Variants in ERI1 observed in about 807,000 individuals in gnomAD.
ERI1 encodes 3'-5' exoribonuclease 1.
A neutral mutation model predicts 39.7 loss-of-function variants in ERI1; 39 were observed. That is an observed-to-expected ratio of 0.98 (90% confidence interval 0.76 to 1.28). The LOEUF is 1.28. Among genes scored for constraint, ERI1 ranks in the 50% most tolerant of loss-of-function variants. ERI1 has a pLI of 0.00. For missense variants in ERI1, 581 were observed against 416.9 expected (o/e 1.39, Z -3.43); for synonymous variants, 204 against 149.6 (o/e 1.36, Z -2.65).
At chr8:9,046,231 G>C (rs1020627245) in intron 3 of ERI1, among the ~76,000 whole-genome samples, 5 of 152,214 alleles carry the variant, frequency 3.3e-5, no homozygotes, top group Admixed American at 6.5e-5. Flanking sequence ...GGTTCTGAAA[G>C]ATGCTAGTTC....
At chr8:9,041,787 T>A (rs1274097659) in intron 3 of ERI1, among the ~76,000 whole-genome samples, 18 of 152,348 alleles carry the variant, frequency 1.2e-4, no homozygotes, top group Admixed American at 1.0e-3. Context: ...TAGGCTGAAG[T>A]GCAGTGGCGT....
intron 6 of ERI1, among the ~76,000 whole-genome samples, chr8:9,020,691 T>C (rs1212826140): frequency 2.0e-5 from 3 of 152,198 alleles, no homozygotes; most frequent in Admixed American, 2.0e-4. Flanking sequence ...CTGACAAGTT[T>C]GAAACTGTAG....
chr8:9,081,955 T>G (rs771689115), intron 3 of ERI1, among the ~76,000 whole-genome samples: 9 of 152,226 alleles, frequency 5.9e-5, no homozygotes, highest in Non-Finnish European at 1.2e-4. Flanking sequence ...GAGCAAAAGT[T>G]GTTCTCTCTG....
chr8:9,017,813 A>T (rs540488546), intron 4 of ERI1, among the ~76,000 whole-genome samples: 1 of 152,320 alleles, frequency 6.6e-6, no homozygotes, highest in South Asian at 2.1e-4. Context: ...TTTGTCCTGA[A>T]AGCCTTGGAG....
rs767660865 is a variant in ERI1 at position 9,031,355 on chromosome 8, T to G, written c.*1321T>G. 1 of 152,242 alleles carries G rather than the reference T, an allele frequency of 6.6e-6. No homozygotes were observed. The highest frequency in any genetic ancestry group is 1.5e-5 in the Non-Finnish European group (1 of 68,050). 9.4% of individuals were successfully genotyped at this position (152,242 alleles called of 1,614,324 possible). ...TCTTAAGCCAATGAATTTCTGCTTT[T>G]CAGCAGTAGTCATATAATCAGTATC... On this transcript the variant is annotated 3_prime_UTR_variant, in exon 7 of 7. Coordinates refer to ENST00000250263, the MANE Select transcript of ERI1 (RefSeq NM_153332.4).
At chr8:9,065,500 C>G (rs1798843263) in intron 3 of ERI1, among the ~76,000 whole-genome samples, 1 of 151,932 alleles carries the variant, frequency 6.6e-6, no homozygotes, top group Non-Finnish European at 1.5e-5. Context: ...TCGAGACCAT[C>G]TTGGCTAACG....
intron 2 of ERI1, chr8:9,008,945 A>C (rs890216819): frequency 1.5e-5 from 7 of 453,706 alleles, no homozygotes; most frequent in African/African-American, 1.4e-4. Context: ...TCAAAAGAGC[A>C]CAAATTTATT....
intron 3 of ERI1, among the ~76,000 whole-genome samples, chr8:9,050,234 G>T (rs762247419): frequency 6.6e-6 from 1 of 152,012 alleles, no homozygotes; most frequent in Non-Finnish European, 1.5e-5. Context: ...AAGGCTGGGC[G>T]CAGTGCCTCA....
chr8:9,085,628 T>C (rs953283998), intron 3 of ERI1, among the ~76,000 whole-genome samples: 3 of 151,744 alleles, frequency 2.0e-5, no homozygotes, highest in Non-Finnish European at 2.9e-5. Flanking sequence ...ATAAAGACTG[T>C]AATGGCCCAC....
chr8:9,065,598 G>C (rs189924649), intron 3 of ERI1, among the ~76,000 whole-genome samples: 202 of 151,664 alleles, frequency 1.3e-3, no homozygotes, highest in African/African-American at 3.9e-3. Context: ...GGGAGGCTGA[G>C]GCAGGAAAAT....
downstream of ERI1, among the ~76,000 whole-genome samples, chr8:9,036,487 T>C (rs1797848597): frequency 1.3e-5 from 2 of 152,230 alleles, no homozygotes; most frequent in Admixed American, 1.3e-4. Flanking sequence ...AAGGTATATA[T>C]GTATTTTTTA....
At chr8:9,097,662 C>G (rs1348397582) in intron 3 of ERI1, among the ~76,000 whole-genome samples, 2 of 111,034 alleles carry the variant, frequency 1.8e-5, no homozygotes, top group South Asian at 5.2e-4. Flanking sequence ...GAATGACACT[C>G]TGTCAAAAAA....
rs78929437 is a variant in ERI1, at chr8:9,016,260, T to C, written c.499-62T>C. 1,787 of 963,962 alleles carry C rather than the reference T, an allele frequency of 1.9e-3. 23 individuals are homozygous for C. The African/African-American group carries it at 0.027, about 15-fold the overall frequency. The allele number at this position is 963,962 out of a possible 1,614,324, so 59.7% of individuals were successfully genotyped here. A position where few individuals can be genotyped will look rare whatever the true frequency, so the allele number is the denominator to read the frequency against. ...AACCTGCTGTGATGAATTCGTCGTG[T>C]ATCATGTATCGTGTATCTTAACTCA... On this transcript the variant is annotated intron_variant, in intron 3 of 6. Transcript: ENST00000250263.
At chr8:9,055,561 T>A (rs1226313813) in intron 3 of ERI1, among the ~76,000 whole-genome samples, 1 of 151,646 alleles carries the variant, frequency 6.6e-6, no homozygotes. Context: ...AAGGTGAGAG[T>A]AATATTTTGT....
chr8:9,058,484 G>C (rs1415259932), intron 3 of ERI1, among the ~76,000 whole-genome samples: 1 of 152,180 alleles, frequency 6.6e-6, no homozygotes, highest in African/African-American at 2.4e-5. Flanking sequence ...TTAATGAGGT[G>C]ATGAATAAAA....
intron 2 of ERI1, chr8:9,009,033 T>TA (rs1262405012): frequency 2.2e-6 from 1 of 456,312 alleles, no homozygotes; most frequent in Admixed American, 2.3e-5. Flanking sequence ...GTTATGAAGG[T>TA]ACAACTTGTA....
At chr8:9,063,426 T>C (rs1798768065) in intron 3 of ERI1, among the ~76,000 whole-genome samples, 1 of 152,054 alleles carries the variant, frequency 6.6e-6, no homozygotes, top group African/African-American at 2.4e-5. Flanking sequence ...AATGAAACTG[T>C]AAGCCAGACC....
chr8:9,086,455 T>C (rs1230508883), intron 3 of ERI1, among the ~76,000 whole-genome samples: 1 of 152,032 alleles, frequency 6.6e-6, no homozygotes, highest in Non-Finnish European at 1.5e-5. Context: ...GAGGCTGAGG[T>C]GGGAGGATCT....
chr8:9,054,902 T>G (rs544929293), intron 3 of ERI1, among the ~76,000 whole-genome samples: 1 of 152,350 alleles, frequency 6.6e-6, no homozygotes, highest in African/African-American at 2.4e-5. Context: ...CACTCCAGCC[T>G]GGGTGACAAA....
Sources: gnomAD v4.1 joint callset for allele counts (sites outside exome capture counted in the v4.1 genomes callset) on GRCh38, gnomAD v4.1.1 for gene constraint, MANE v1.5 for transcripts, NCBI Gene and HGNC (gene_info 2026-07-23, HGNC 2026-07-21) for gene names.